Variants in WWC1 observed in about 807,000 individuals in gnomAD.
The protein encoded by WWC1 is protein KIBRA.
Under a neutral mutation model 138.4 loss-of-function variants are expected in WWC1, and 55 were observed. The observed-to-expected ratio is 0.40, with a 90% CI of 0.32 to 0.50. The LOEUF (loss-of-function observed/expected upper bound fraction) is 0.50, where lower values mean the gene tolerates loss of function less well. Among genes scored for constraint, WWC1 ranks in the 20% least tolerant of loss-of-function variants. The pLI, the probability that WWC1 is intolerant of heterozygous loss-of-function variation, is 0.72. For missense variants in WWC1, 1,226 were observed against 1,420.4 expected, an observed-to-expected ratio of 0.86 and a Z score of 2.20; for synonymous variants, 524 against 564.9, an observed-to-expected ratio of 0.93 and a Z score of 1.03.
chr5:168,443,178 G>GT (rs1754947332), intron 16 of WWC1, among the ~76,000 whole-genome samples: 1 of 152,188 alleles, frequency 6.6e-6, no homozygotes, highest in African/African-American at 2.4e-5. Flanking sequence ...TACTTGGTTA[G>GT]TTTGGACAGC....
intron 8 of WWC1, chr5:168,411,971 T>C (rs1780262785): frequency 5.1e-6 from 5 of 984,986 alleles, no homozygotes; most frequent in African/African-American, 1.7e-5. Flanking sequence ...ACTGGTCAGG[T>C]AGAAAAAAAC....
chr5:168,449,139 C>G (rs901404651), intron 17 of WWC1, among the ~76,000 whole-genome samples: 7 of 143,840 alleles, frequency 4.9e-5, no homozygotes, highest in African/African-American at 1.7e-4. Flanking sequence ...TTCACCAGCA[C>G]TTGATATTAC....
At chr5:168,385,028 T>C (rs1777933223) in intron 2 of WWC1, among the ~76,000 whole-genome samples, 183 bp from the exon 3 acceptor site, 1 of 152,332 alleles carries the variant, frequency 6.6e-6, no homozygotes, top group African/African-American at 2.4e-5. Flanking sequence ...CCCTGGCTTA[T>C]TATTTGTTTG....
rs147867391 is a variant in WWC1, at chr5:168,406,038, A to G, written c.591-160A>G. Among the ~76,000 whole-genome samples the G allele has an allele frequency of 3.6e-4, 55 of 152,198 alleles. No homozygotes were observed. In the Middle Eastern group the frequency reaches 0.01, roughly 28 times the overall value. On this transcript the variant is annotated intron_variant, in intron 5 of 22. Transcript: ENST00000265293. ...CACCATGCCCAGCCCGGGACCTTCT[A>G]TGCCTTATCCCACAAGTGGGACCTA...
At chr5:168,414,737 A>G (rs1582213660) in intron 9 of WWC1, 147 bp downstream of exon 9, 2 of 1,200,760 alleles carry the variant, frequency 1.7e-6, no homozygotes, top group East Asian at 5.3e-5. Context: ...GGTTGCCGAC[A>G]TAGGAAATCA....
chr5:168,463,460 G>T (rs977028571), intron 20 of WWC1, among the ~76,000 whole-genome samples: 1 of 152,156 alleles, frequency 6.6e-6, no homozygotes, highest in African/African-American at 2.4e-5. Flanking sequence ...CTTCTTTAAG[G>T]CCAGCAGAAG....
At position 168,472,241 on chromosome 5, in the gene WWC1, C is replaced by T. The variant is rs1303777881; in HGVS notation, c.*3224C>T. 1 of 152,214 alleles carries T rather than the reference C, an allele frequency of 6.6e-6. No homozygotes were observed. Among genetic ancestry groups the T allele is most frequent in the Non-Finnish European group, 1.5e-5 (1 of 68,048 alleles). The allele number at this position is 152,214 out of a possible 1,614,324, so 9.4% of individuals were successfully genotyped here. On this transcript the variant is annotated 3_prime_UTR_variant, in exon 23 of 23. Transcript: ENST00000265293. Reference sequence around the variant, plus strand: ...CTCTATAAACGGTTCACCAGCAAACCACCAATACATTCCATTGTTTGCCTA... The same window carrying T: ...CTCTATAAACGGTTCACCAGCAAACTACCAATACATTCCATTGTTTGCCTA...
intron 1 of WWC1, among the ~76,000 whole-genome samples, chr5:168,339,010 A>T (rs1160207837): frequency 6.6e-6 from 1 of 152,228 alleles, no homozygotes; most frequent in Non-Finnish European, 1.5e-5. Context: ...TGTTTGAGAT[A>T]ATGGGTATGC....
In WWC1 at chr5:168,455,375, C is replaced by T. The variant is rs1426235751; in HGVS notation, c.2678C>T (p.Thr893Met). ...CCTCAGGTGGACAAAGAGACCAACACGGAGACCCCGGCCCCATCCCCCACA... is the reference window on the plus strand; with the variant it reads ...CCTCAGGTGGACAAAGAGACCAACATGGAGACCCCGGCCCCATCCCCCACA... ...PALKVDKETN[T>M]ETPAPSPTVV... is the part of the protein sequence containing the mutation. Residue 893 changes from threonine (T) to methionine (M), a missense_variant, in exon 19 of 23, where the codon ACG becomes ATG. This residue lies in a region of WWC1 where 1,016 missense variants were observed against 1,153.9 expected (regional missense o/e 0.88). Coordinates refer to ENST00000265293, the MANE Select transcript of WWC1 (RefSeq NM_015238.3). 1.3e-5 allele frequency: 20 copies of T among 1,580,220 alleles called. No homozygotes were observed. Among genetic ancestry groups the T allele is most frequent in the Non-Finnish European group, 1.7e-5 (20 of 1,166,734 alleles).
chr5:168,384,327 A>C (rs146027300), intron 2 of WWC1, among the ~76,000 whole-genome samples: 4 of 152,348 alleles, frequency 2.6e-5, no homozygotes, highest in African/African-American at 7.2e-5. Flanking sequence ...AATCAATGAC[A>C]TGTGCTTGCT....
In WWC1 at chr5:168,397,718, T is replaced by C. The variant is rs541097773; in HGVS notation, c.434-6T>C. ...TGATATTCTTGTTTTTCTTTTTTCC[T>C]TACAGTGGTCTCTGGTTCATCATCC... On this transcript the variant is annotated splice_polypyrimidine_tract_variant and splice_region_variant and intron_variant, in intron 3 of 22. Coordinates refer to ENST00000265293, the MANE Select transcript of WWC1 (RefSeq NM_015238.3). The C allele has an allele frequency of 1.2e-6, 2 of 1,613,988 alleles. No homozygotes were observed. The highest frequency in any genetic ancestry group is 2.2e-5 in the South Asian group (2 of 91,086).
At chr5:168,382,175 A>T (rs989505821) in intron 2 of WWC1, among the ~76,000 whole-genome samples, 3 of 152,196 alleles carry the variant, frequency 2.0e-5, no homozygotes, top group Non-Finnish European at 4.4e-5. Context: ...TGTTTAAAAG[A>T]TGGTGCACCT....
intron 5 of WWC1, among the ~76,000 whole-genome samples, chr5:168,404,985 C>G (rs1003336493): frequency 6.6e-6 from 1 of 151,836 alleles, no homozygotes; most frequent in Non-Finnish European, 1.5e-5. Flanking sequence ...GCGTTTTAAT[C>G]CCTTATGTTT....
At position 168,412,251 on chromosome 5, in the gene WWC1, G is replaced by A. The variant is rs1004294246; in HGVS notation, c.942-2097G>A. The stretch of plus-strand genomic sequence containing the variant: ...CAGCCTCTTGCTTGCCCCTCCACCC[G>A]AAGCTCATTTTAGTGTAAAGGACAG... On this transcript the variant is annotated intron_variant, in intron 8 of 22. Coordinates refer to ENST00000265293, the MANE Select transcript of WWC1 (RefSeq NM_015238.3). The A allele has an allele frequency of 4.5e-5, 43 of 951,646 alleles. No homozygotes were observed. The African/African-American group carries it at 6.6e-4, about 15-fold the overall frequency. 59.0% of individuals were successfully genotyped at this position (951,646 alleles called of 1,614,324 possible). A position where few individuals can be genotyped will look rare whatever the true frequency, so the allele number is the denominator to read the frequency against.
At chr5:168,311,126 G>T (rs963775528) in intron 1 of WWC1, among the ~76,000 whole-genome samples, 4 of 152,108 alleles carry the variant, frequency 2.6e-5, no homozygotes, top group Non-Finnish European at 5.9e-5. Context: ...CATTCTTCCT[G>T]CTGGACTGCA....
At chr5:168,297,879 G>A (rs1169745771) in intron 1 of WWC1, among the ~76,000 whole-genome samples, 1 of 151,952 alleles carries the variant, frequency 6.6e-6, no homozygotes, top group South Asian at 2.1e-4. Context: ...TGCATTCATC[G>A]TGCGTCACAA....
chr5:168,336,595 A>G (rs919002116), intron 1 of WWC1, among the ~76,000 whole-genome samples: 1 of 143,678 alleles, frequency 7.0e-6, no homozygotes, highest in Non-Finnish European at 1.5e-5. Context: ...AAAAAAAAAA[A>G]CAATACCTTG....
chr5:168,454,093 C>A lies in WWC1; in HGVS notation c.2651C>A (p.Ala884Glu). The change falls in exon 18 of 23, where the codon GCA becomes GAA. Residue 884 changes from alanine to glutamate, a missense_variant. Physicochemically the swap from Ala to Glu is moderately radical, Grantham distance 107. Coordinates refer to ENST00000265293, the MANE Select transcript of WWC1 (RefSeq NM_015238.3). The part of the protein sequence containing the change: ...KASPDMDGYP[A>E]LKVDKETNTE... Reference sequence around the variant, plus strand: ...TCACCTGATATGGATGGGTACCCAGCATTAAAGGTAGGAAGGGCTGGGGGG... The same window carrying A: ...TCACCTGATATGGATGGGTACCCAGAATTAAAGGTAGGAAGGGCTGGGGGG... 2 of 1,612,374 alleles carry A rather than the reference C, an allele frequency of 1.2e-6. No homozygotes were observed. Among genetic ancestry groups the A allele is most frequent in the South Asian group, 2.2e-5 (2 of 90,912 alleles).
chr5:168,445,413 G>A (rs932994226), intron 17 of WWC1, among the ~76,000 whole-genome samples: 4 of 147,794 alleles, frequency 2.7e-5, no homozygotes, highest in Non-Finnish European at 6.0e-5. Context: ...TAAAATAATG[G>A]GAGAGGCCAG....
Sources: gnomAD v4.1 joint callset for allele counts (sites outside exome capture counted in the v4.1 genomes callset) on GRCh38, gnomAD v4.1.1 for gene constraint, gnomAD v4.1.1 regional missense constraint, MANE v1.5 for transcripts, NCBI Gene and HGNC (gene_info 2026-07-23, HGNC 2026-07-21) for gene names.